Variants in TTC39C observed in about 807,000 individuals in gnomAD.
TTC39C encodes tetratricopeptide repeat protein 39C.
A neutral mutation model predicts 76.3 loss-of-function variants in TTC39C; 33 were observed. That is an observed-to-expected ratio of 0.43 (90% CI 0.33 to 0.58). The LOEUF (loss-of-function observed/expected upper bound fraction) is 0.58, where lower values mean the gene tolerates loss of function less well. Ranked by LOEUF, TTC39C falls within the 20% of genes least tolerant of loss-of-function variation. TTC39C has a pLI of 0.04. For missense variants in TTC39C, 595 were observed against 701.4 expected (o/e 0.85, Z 1.71); for synonymous variants, 254 against 260.6 (o/e 0.97, Z 0.24).
At chr18:24,006,658 C>T (rs1599226762) in intron 1 of TTC39C, among the ~76,000 whole-genome samples, 2 of 152,016 alleles carry the variant, frequency 1.3e-5, no homozygotes, top group South Asian at 2.1e-4. Context: ...TCTACTGTGG[C>T]CCATATCTGA....
intron 1 of TTC39C, among the ~76,000 whole-genome samples, chr18:23,999,828 T>C (rs184924391): frequency 6.6e-6 from 1 of 152,330 alleles, no homozygotes; most frequent in African/African-American, 2.4e-5. Context: ...GGCCCAAAAC[T>C]TAGGTCCAAG....
chr18:24,112,257 G>C (rs760676008), intron 6 of TTC39C, among the ~76,000 whole-genome samples: 1 of 152,140 alleles, frequency 6.6e-6, no homozygotes, highest in Non-Finnish European at 1.5e-5. Context: ...ATTGTATTTA[G>C]GGCCAACCTG....
chr18:24,052,409 AC>A (rs1385456477), intron 1 of TTC39C, among the ~76,000 whole-genome samples: 2 of 152,178 alleles, frequency 1.3e-5, no homozygotes, highest in Non-Finnish European at 2.9e-5. Context: ...AGTGAGTGGA[AC>A]AAAACTAAAT....
intron 8 of TTC39C, among the ~76,000 whole-genome samples, chr18:24,119,482 G>A (rs1416979321): frequency 6.6e-6 from 1 of 152,104 alleles, no homozygotes; most frequent in Non-Finnish European, 1.5e-5. Context: ...AATAAGATAG[G>A]GTTGATGAAC....
intron 1 of TTC39C, among the ~76,000 whole-genome samples, chr18:24,054,424 G>C (rs960472889): frequency 2.0e-5 from 3 of 152,328 alleles, no homozygotes; most frequent in Admixed American, 2.0e-4. Context: ...TCTAAAAGGA[G>C]TGTAAATGTA....
chr18:24,020,234 C>A, intron 1 of TTC39C: 1 of 1,060,288 alleles, frequency 9.4e-7, no homozygotes, highest in Non-Finnish European at 1.1e-6. Context: ...ATCTTTTTTC[C>A]CCCAACTATT....
intron 1 of TTC39C, among the ~76,000 whole-genome samples, chr18:23,994,695 G>T (rs1398155302): frequency 6.6e-6 from 1 of 152,192 alleles, no homozygotes; most frequent in African/African-American, 2.4e-5. Flanking sequence ...GCTGTATCTT[G>T]GACGGCTGTT....
intron 1 of TTC39C, among the ~76,000 whole-genome samples, chr18:24,057,237 A>G (rs77473600): frequency 0.04 from 6,161 of 152,304 alleles, 403 homozygotes; most frequent in African/African-American, 0.14. Context: ...TTTAAAATAT[A>G]GCCACAGTAC....
intron 1 of TTC39C, among the ~76,000 whole-genome samples, chr18:24,017,697 G>A (rs61477180): frequency 0.026 from 3,888 of 152,290 alleles, 175 homozygotes; most frequent in African/African-American, 0.088. Flanking sequence ...GCAGTGACTT[G>A]ATAAATGTTT....
intron 6 of TTC39C, 63 bp downstream of exon 6, chr18:24,083,144 T>A: frequency 6.7e-7 from 1 of 1,498,868 alleles, no homozygotes; most frequent in Non-Finnish European, 9.0e-7. Context: ...TGATTCTCAC[T>A]TGAGGACTGG....
At chr18:24,027,559 C>CTTTTTTTTTTTTTTTTTT (rs1205765107) in intron 1 of TTC39C, among the ~76,000 whole-genome samples, 1 of 134,460 alleles carries the variant, frequency 7.4e-6, no homozygotes. Context: ...TCTGAGGTGA[C>CTTTTTTTTTTTTTTTTTT]TTTTTTTTTT....
At chr18:24,088,009 T>C (rs1054104771) in intron 6 of TTC39C, among the ~76,000 whole-genome samples, 1 of 152,216 alleles carries the variant, frequency 6.6e-6, no homozygotes, top group Non-Finnish European at 1.5e-5. Flanking sequence ...TGTCATTTCT[T>C]TTTTCAGAAA....
chr18:24,101,305 T>TAAAAAA (rs35978012), intron 6 of TTC39C, among the ~76,000 whole-genome samples: 6 of 139,458 alleles, frequency 4.3e-5, no homozygotes, highest in Non-Finnish European at 3.1e-5. Context: ...TAATTTTTCA[T>TAAAAAA]AAAAAAAAAA....
intron 1 of TTC39C, among the ~76,000 whole-genome samples, chr18:24,059,951 GA>G (rs1445979624): frequency 6.6e-6 from 1 of 152,104 alleles, no homozygotes; most frequent in Non-Finnish European, 1.5e-5. Context: ...GGTGAAAGGG[GA>G]AATGCCTTAT....
chr18:24,045,910 TATATATATATA>T (rs2083867731), intron 1 of TTC39C, among the ~76,000 whole-genome samples: 201 of 35,486 alleles, frequency 5.7e-3, no homozygotes, highest in Non-Finnish European at 6.6e-3. Context: ...TATATATATA[TATATATATATA>T]TATATATTTT....
At chr18:24,048,732 A>T (rs2083915515) in intron 1 of TTC39C, among the ~76,000 whole-genome samples, 1 of 152,144 alleles carries the variant, frequency 6.6e-6, no homozygotes, top group Admixed American at 6.5e-5. Context: ...TTTACCTTTT[A>T]AGGTAACGTT....
intron 1 of TTC39C, among the ~76,000 whole-genome samples, chr18:24,058,236 AT>A (rs2084042021): frequency 6.6e-6 from 1 of 152,214 alleles, no homozygotes; most frequent in South Asian, 2.1e-4. Context: ...GGGTGATGAA[AT>A]CATTTGTACA....
intron 8 of TTC39C, among the ~76,000 whole-genome samples, chr18:24,119,206 A>G (rs763893475): frequency 3.9e-5 from 6 of 152,200 alleles, no homozygotes; most frequent in Non-Finnish European, 8.8e-5. Context: ...GCATCCTTCA[A>G]TACCTAAAAG....
intron 1 of TTC39C, among the ~76,000 whole-genome samples, chr18:24,030,648 C>CTTTTT (rs1167104790): frequency 0.14 from 12,105 of 88,864 alleles, 1,489 homozygotes; most frequent in Non-Finnish European, 0.17. Context: ...AAAGATAGGC[C>CTTTTT]TTTTTTTTTT....
Sources: allele counts gnomAD v4.1 joint callset (sites outside exome capture counted in the v4.1 genomes callset), GRCh38; gene constraint gnomAD v4.1.1; transcripts MANE v1.5; gene names NCBI Gene and HGNC (gene_info 2026-07-23, HGNC 2026-07-21).